Variants in PTPRJ observed in about 807,000 individuals in gnomAD.
The protein encoded by PTPRJ is receptor-type tyrosine-protein phosphatase eta.
Under a neutral mutation model 141.3 loss-of-function variants are expected in PTPRJ, and 129 were observed. That is an observed-to-expected ratio of 0.91 (90% CI 0.79 to 1.06). The LOEUF (loss-of-function observed/expected upper bound fraction) is 1.06, where lower values mean the gene tolerates loss of function less well. Among genes scored for constraint, PTPRJ ranks in the 50% least tolerant of loss-of-function variants. The pLI is 0.00. For missense variants in PTPRJ, 1,601 were observed against 1,679.7 expected, an observed-to-expected ratio of 0.95 and a Z score of 0.82; for synonymous variants, 610 against 640.5, an observed-to-expected ratio of 0.95 and a Z score of 0.72.
At chr11:48,064,940 G>A (rs557310628) in intron 1 of PTPRJ, among the ~76,000 whole-genome samples, 1 of 151,354 alleles carries the variant, frequency 6.6e-6, no homozygotes, top group South Asian at 2.1e-4. Context: ...AAATTTAATA[G>A]GGAAACTGAA....
intron 1 of PTPRJ, among the ~76,000 whole-genome samples, chr11:48,097,797 C>A (rs771701427): frequency 6.6e-6 from 1 of 152,172 alleles, no homozygotes; most frequent in Non-Finnish European, 1.5e-5. Flanking sequence ...CTCAGCCCCC[C>A]AAAGTGCTAG....
At chr11:48,012,086 G>T (rs1338818332) in intron 1 of PTPRJ, among the ~76,000 whole-genome samples, 1 of 152,198 alleles carries the variant, frequency 6.6e-6, no homozygotes, top group Non-Finnish European at 1.5e-5. Context: ...ATGGCTTCTT[G>T]TGGGGAGTCC....
At chr11:48,059,091 G>A (rs561104554) in intron 1 of PTPRJ, among the ~76,000 whole-genome samples, 9 of 144,622 alleles carry the variant, frequency 6.2e-5, no homozygotes, top group Non-Finnish European at 1.0e-4. Context: ...ACTCCTGATC[G>A]CTCCCTACTG....
intron 1 of PTPRJ, among the ~76,000 whole-genome samples, chr11:48,009,528 G>A (rs1046475139): frequency 6.6e-6 from 1 of 152,164 alleles, no homozygotes; most frequent in African/African-American, 2.4e-5. Context: ...CCTGGGAGGC[G>A]GAGGGTGTAG....
chr11:48,124,376 C>T (rs1856786667), intron 5 of PTPRJ, among the ~76,000 whole-genome samples: 1 of 152,194 alleles, frequency 6.6e-6, no homozygotes, highest in African/African-American at 2.4e-5. Flanking sequence ...TTGGATAGCT[C>T]AGACAGAAGG....
At chr11:48,094,480 G>A (rs1259968002) in intron 1 of PTPRJ, among the ~76,000 whole-genome samples, 1 of 152,040 alleles carries the variant, frequency 6.6e-6, no homozygotes, top group African/African-American at 2.4e-5. Context: ...CAAGCCTGTG[G>A]GGAATTTGAA....
chr11:48,112,807 C>T lies in PTPRJ; in HGVS notation c.176C>T (p.Thr59Met), dbSNP rs561474801. The T allele has an allele frequency of 1.3e-4, 207 of 1,614,188 alleles. 1 individual carries two copies. In the South Asian group the frequency reaches 1.5e-3, roughly 12 times the overall value. ...GTTGCCACAGGGGAAAATGGCATAA[C>T]GCAGATCAGCAGTACAGCAGAATCC... The part of the protein sequence containing the change: ...ATVATGENGI[T>M]QISSTAESFH... Residue 59 changes from threonine to methionine, a missense_variant, in exon 3 of 25, where the codon ACG (threonine) becomes ATG (methionine). Physicochemically the swap from Thr to Met is moderately conservative, Grantham distance 81. Coordinates refer to ENST00000418331, the MANE Select transcript of PTPRJ (RefSeq NM_002843.4).
intron 1 of PTPRJ, among the ~76,000 whole-genome samples, chr11:48,048,311 G>C (rs114348905): frequency 6.6e-6 from 1 of 152,256 alleles, no homozygotes; most frequent in African/African-American, 2.4e-5. Context: ...ATCTGCCTCA[G>C]CTCTCCTTGC....
At chr11:48,043,109 T>A (rs1854309579) in intron 1 of PTPRJ, among the ~76,000 whole-genome samples, 1 of 152,252 alleles carries the variant, frequency 6.6e-6, no homozygotes, top group Non-Finnish European at 1.5e-5. Flanking sequence ...CTGGTGCAAG[T>A]GCAGACCATG....
At chr11:48,022,169 A>G (rs978938062) in intron 1 of PTPRJ, among the ~76,000 whole-genome samples, 5 of 151,498 alleles carry the variant, frequency 3.3e-5, no homozygotes, top group Non-Finnish European at 2.9e-5. Flanking sequence ...TTGGTTGTAT[A>G]TAAGATGATG....
intron 1 of PTPRJ, among the ~76,000 whole-genome samples, chr11:48,091,742 G>T (rs1467198230): frequency 6.6e-6 from 1 of 152,158 alleles, no homozygotes; most frequent in East Asian, 1.9e-4. Flanking sequence ...CAAGAATGAA[G>T]TCAGCTTTTT....
At chr11:48,088,906 A>G (rs942661377) in intron 1 of PTPRJ, among the ~76,000 whole-genome samples, 2 of 152,106 alleles carry the variant, frequency 1.3e-5, no homozygotes, top group Admixed American at 6.5e-5. Flanking sequence ...CGCATGTTGT[A>G]TTGGCTTCTG....
Position 48,144,690 on chromosome 11 carries a change from C to T in PTPRJ, c.2591C>T (p.Ala864Val). 1 of 1,613,868 alleles carries T rather than the reference C, an allele frequency of 6.2e-7. No homozygotes were observed. Among genetic ancestry groups the T allele is most frequent in the Non-Finnish European group, 8.5e-7 (1 of 1,179,764 alleles). The change falls in exon 13 of 25, where the codon GCA becomes GTA. Residue 864 changes from alanine to valine, a missense_variant. Ala to Val is a moderately conservative substitution (Grantham distance 64). Transcript: ENST00000418331. ...LTTGEAGHPS[A>V]DVLKYTYEDF... ...CCTTTCTTAGCTGGTCACCCTTCTG[C>T]AGATGTCCTGAAATACACGTATGAG...
rs1011015564 is a variant in PTPRJ at position 48,112,792 on chromosome 11, G to A, written c.161G>A (p.Gly54Glu). The A allele has an allele frequency of 6.2e-7, 1 of 1,614,162 alleles. No homozygotes were observed. Among genetic ancestry groups the A allele is most frequent in the Non-Finnish European group, 8.5e-7 (1 of 1,180,016 alleles). The change falls in exon 3 of 25, where the codon GGG (glycine) becomes GAG (glutamate). Residue 54 changes from glycine to glutamate, a missense_variant. Transcript: ENST00000418331. The stretch of plus-strand genomic sequence containing the variant: ...CCTTCAGTAGCAACTGTTGCCACAG[G>A]GGAAAATGGCATAACGCAGATCAGC... ...PDPSVATVAT[G>E]ENGITQISST...
At chr11:48,046,916 T>TAA (rs1854420785) in intron 1 of PTPRJ, among the ~76,000 whole-genome samples, 2 of 96,840 alleles carry the variant, frequency 2.1e-5, no homozygotes, top group Admixed American at 2.0e-4. Flanking sequence ...ATATATATTT[T>TAA]TTTTTTTTTT....
In PTPRJ at chr11:48,007,245, T is replaced by C. The variant is rs938947412; in HGVS notation, c.96+26237T>C. 4.7e-4 allele frequency among the ~76,000 whole-genome samples: 71 copies of C among 149,904 alleles called. 1 individual carries two copies. Among genetic ancestry groups the C allele is most frequent in the Admixed American group, 3.2e-3 (49 of 15,106 alleles). On this transcript the variant is annotated intron_variant, in intron 1 of 24. Transcript: ENST00000418331. ...CCTCCCGAGTAGCTGGGACTACAGG[T>C]GCCTGCCACCACGCCCGGCTAATTT...
intron 1 of PTPRJ, among the ~76,000 whole-genome samples, chr11:48,049,780 C>T (rs1394061116): frequency 1.3e-5 from 2 of 150,916 alleles, no homozygotes; most frequent in African/African-American, 4.9e-5. Context: ...GCTGCTTTAA[C>T]TGCAGCCCTC....
chr11:48,143,141 G>A, intron 12 of PTPRJ, 91 bp downstream of exon 12: 2 of 1,481,908 alleles, frequency 1.3e-6, no homozygotes, highest in Non-Finnish European at 1.8e-6. Flanking sequence ...GAGTAATGCA[G>A]ACACACGCCT....
chr11:48,125,466 C>T (rs1856810475), intron 6 of PTPRJ, among the ~76,000 whole-genome samples: 1 of 152,190 alleles, frequency 6.6e-6, no homozygotes, highest in African/African-American at 2.4e-5. Flanking sequence ...TGCGTGGTGG[C>T]TGATGAGACA....
Sources: allele counts gnomAD v4.1 joint callset (sites outside exome capture counted in the v4.1 genomes callset), GRCh38; gene constraint gnomAD v4.1.1; transcripts MANE v1.5; gene names NCBI Gene and HGNC (gene_info 2026-07-23, HGNC 2026-07-21).